NHSL1: variants seen among roughly 807,000 people sequenced by gnomAD.
NHSL1 encodes NHS-like protein 1.
Under a neutral mutation model 95.0 loss-of-function variants are expected in NHSL1, and 48 were observed. The observed-to-expected ratio is 0.51, with a 90% CI of 0.40 to 0.64. NHSL1 has a LOEUF of 0.64. Among genes scored for constraint, NHSL1 ranks in the 30% least tolerant of loss-of-function variants. The pLI, the probability that NHSL1 is intolerant of heterozygous loss-of-function variation, is 0.00. For synonymous variants in NHSL1, 783 were observed against 833.9 expected (o/e 0.94, Z 1.05); for missense variants, 1,971 against 2,077.7 (o/e 0.95, Z 1.00).
intron 1 of NHSL1, among the ~76,000 whole-genome samples, chr6:138,566,419 CAATCAATCAATA>C (rs1435608777): frequency 1.3e-5 from 2 of 151,424 alleles, no homozygotes; most frequent in African/African-American, 4.9e-5. Flanking sequence ...ATCAATCAAT[CAATCAATCAATA>C]AAAAGTAAAC....
intron 1 of NHSL1, among the ~76,000 whole-genome samples, chr6:138,611,142 TGAAGAAAAAGGAGGCAGGGGC>T (rs1784507136): frequency 6.6e-6 from 1 of 151,734 alleles, no homozygotes; most frequent in South Asian, 2.1e-4. Flanking sequence ...GTCATTTTTC[TGAAGAAAAAGGAGGCAGGGGC>T]TTCTACTAAT....
rs1781701707 is a variant in NHSL1 at position 138,521,974 on chromosome 6, C to G, written c.16+23649G>C. 2.0e-5 allele frequency among the ~76,000 whole-genome samples: 3 copies of G among 152,172 alleles called. No individual in the cohort carries two copies. The South Asian group carries it at 6.2e-4, about 32-fold the overall frequency. On this transcript the variant is annotated intron_variant, in intron 1 of 4. Coordinates refer to the NHSL1 transcript ENST00000342260. ...CTTGGAGGAGGCCCAGAAGTGCAGC[C>G]AATGACTTCAGGAAATCCAACAGAG...
intron 1 of NHSL1, among the ~76,000 whole-genome samples, chr6:138,539,642 T>C (rs1438182148): frequency 6.6e-6 from 1 of 152,168 alleles, no homozygotes; most frequent in East Asian, 1.9e-4. Context: ...TAGGTAGAAA[T>C]GGAACAGGAG....
At chr6:138,578,789 A>G (rs1035099511) in intron 1 of NHSL1, among the ~76,000 whole-genome samples, 1 of 152,074 alleles carries the variant, frequency 6.6e-6, no homozygotes, top group Non-Finnish European at 1.5e-5. Context: ...AGGGACTGCA[A>G]TTCTGAACTC....
chr6:138,508,604 G>A (rs9484169), intron 1 of NHSL1, among the ~76,000 whole-genome samples: 7,452 of 152,024 alleles, frequency 0.049, 216 homozygotes, highest in African/African-American at 0.078. Flanking sequence ...GTAAGGGCCA[G>A]TGAGGTGAGG....
intron 1 of NHSL1, among the ~76,000 whole-genome samples, chr6:138,582,028 T>C (rs1304599056): frequency 2.0e-5 from 3 of 151,654 alleles, no homozygotes; most frequent in Non-Finnish European, 4.4e-5. Flanking sequence ...TCCCAAGTAG[T>C]TGGGATTACA....
intron 1 of NHSL1, among the ~76,000 whole-genome samples, chr6:138,509,236 C>T (rs1007456421): frequency 2.0e-5 from 3 of 152,078 alleles, no homozygotes; most frequent in Non-Finnish European, 4.4e-5. Context: ...AACAATGAAT[C>T]GAAATTTTAT....
In NHSL1 at chr6:138,431,756, G is replaced by A; in HGVS notation, c.2589C>T (p.Thr863=). 1.9e-6 allele frequency: 3 copies of A among 1,551,618 alleles called. No homozygotes were observed. The highest frequency in any genetic ancestry group is 2.4e-5 in the South Asian group (2 of 84,068). The change falls in exon 6 of 8, where the codon ACC becomes ACT. Residue 863 remains threonine, a synonymous_variant. Transcript: ENST00000343505. This position sits in a 1 kb window ranked among gnomAD's most constrained non-coding sequence, Gnocchi z 4.0. ...SSQSNTPTAL[T]PVPVFLKSVS... is the part of the protein sequence containing the mutation. ...CTGATTTTAAAAACACAGGCACAGG[G>A]GTGAGTGCTGTGGGTGTATTCGACT...
intron 1 of NHSL1, among the ~76,000 whole-genome samples, chr6:138,655,193 A>G (rs1050715443): frequency 6.7e-6 from 1 of 148,362 alleles, no homozygotes; most frequent in African/African-American, 2.5e-5. Flanking sequence ...CTAAAGTGAC[A>G]AGTTCTGTAA....
chr6:138,442,584 T>C (rs1018614921), intron 4 of NHSL1, among the ~76,000 whole-genome samples: 2 of 152,210 alleles, frequency 1.3e-5, no homozygotes, highest in Admixed American at 1.3e-4. Flanking sequence ...ATTTCTTGAA[T>C]GAAAAGCTTT....
At chr6:138,605,549 T>A (rs1377069290) in intron 1 of NHSL1, among the ~76,000 whole-genome samples, 2 of 152,170 alleles carry the variant, frequency 1.3e-5, no homozygotes, top group Non-Finnish European at 2.9e-5. Context: ...AAGACAAAGG[T>A]GTCAGCTATC....
chr6:138,443,085 A>C (rs1267395201), intron 4 of NHSL1, among the ~76,000 whole-genome samples: 2 of 152,144 alleles, frequency 1.3e-5, no homozygotes. Flanking sequence ...ACACACACAC[A>C]CATTAAAAAC....
In NHSL1 at chr6:138,429,703, T is replaced by C; in HGVS notation, c.4085+8A>G. On this transcript the variant is annotated splice_region_variant and intron_variant, in intron 7 of 7. Transcript: ENST00000343505. ...TAGATTAAAGTCAGAGGAAGGAGTT[T>C]GAAATACCTGTGAATAGCTGCAAAA... The C allele has an allele frequency of 6.5e-7, 1 of 1,546,222 alleles. No homozygotes were observed. Among genetic ancestry groups the C allele is most frequent in the Middle Eastern group, 1.7e-4 (1 of 5,958 alleles).
At chr6:138,464,341 G>A (rs1583227990) in intron 3 of NHSL1, 1 of 545,112 alleles carries the variant, frequency 1.8e-6, no homozygotes, top group East Asian at 3.9e-5. Flanking sequence ...TCCACGGCCT[G>A]GAGGCCATCT....
At chr6:138,446,585 T>C (rs927530845) in intron 4 of NHSL1, among the ~76,000 whole-genome samples, 5 of 152,218 alleles carry the variant, frequency 3.3e-5, no homozygotes, top group Non-Finnish European at 7.3e-5. Context: ...AGAAAATCTA[T>C]CATTAGAAAC....
At chr6:138,625,926 A>AC (rs1208222726) in intron 1 of NHSL1, among the ~76,000 whole-genome samples, 1 of 152,176 alleles carries the variant, frequency 6.6e-6, no homozygotes. Flanking sequence ...TACAGGTGTG[A>AC]CCCACCACAC....
intron 1 of NHSL1, among the ~76,000 whole-genome samples, chr6:138,688,355 A>G (rs1785614768): frequency 6.6e-6 from 1 of 151,884 alleles, no homozygotes; most frequent in African/African-American, 2.4e-5. Context: ...GCTTAAAAAT[A>G]AAAACAGGGG....
intron 1 of NHSL1, among the ~76,000 whole-genome samples, chr6:138,528,284 G>C (rs759668139): frequency 2.0e-5 from 3 of 152,072 alleles, no homozygotes; most frequent in Non-Finnish European, 4.4e-5. Flanking sequence ...CTGCAGAACA[G>C]AGTGAAAGAG....
chr6:138,634,360 G>T (rs529410708), intron 1 of NHSL1, among the ~76,000 whole-genome samples: 1 of 152,024 alleles, frequency 6.6e-6, no homozygotes, highest in South Asian at 2.1e-4. Context: ...TAAATGGATA[G>T]AAAAAGATAT....
Sources: gnomAD v4.1 joint callset for allele counts (sites outside exome capture counted in the v4.1 genomes callset) on GRCh38, gnomAD v4.1.1 for gene constraint, Gnocchi (gnomAD v3.1) non-coding constraint, MANE v1.5 for transcripts, NCBI Gene and HGNC (gene_info 2026-07-23, HGNC 2026-07-21) for gene names.